The following CDH12 variants were observed in gnomAD, a reference collection of about 807,000 sequenced individuals.
CDH12 encodes the protein cadherin 12.
A neutral mutation model predicts 74.1 loss-of-function variants in CDH12; 41 were observed. The observed-to-expected ratio is 0.55, with a 90% CI of 0.43 to 0.72. The LOEUF is 0.72. Among genes scored for constraint, CDH12 ranks in the 30% least tolerant of loss-of-function variants. The probability of loss-of-function intolerance (pLI) is 0.00; values close to 1 mark genes in which losing one functional copy is unlikely to be tolerated. For missense variants in CDH12, 945 were observed against 977.2 expected (o/e 0.97, Z 0.44); for synonymous variants, 399 against 355.0 (o/e 1.12, Z -1.39).
At chr5:21,753,898 G>A (rs1335381082) in intron 14 of CDH12, among the ~76,000 whole-genome samples, 1 of 152,068 alleles carries the variant, frequency 6.6e-6, no homozygotes, top group Non-Finnish European at 1.5e-5. Flanking sequence ...AACAGAAAGA[G>A]TTTCTCTGAA....
intron 4 of CDH12, among the ~76,000 whole-genome samples, chr5:22,169,394 T>C (rs1395070743): frequency 6.6e-6 from 1 of 152,000 alleles, no homozygotes; most frequent in Non-Finnish European, 1.5e-5. Flanking sequence ...AAATGAACAG[T>C]CGTATCCATA....
At chr5:22,402,666 C>T (rs961606312) in intron 3 of CDH12, among the ~76,000 whole-genome samples, 2 of 152,078 alleles carry the variant, frequency 1.3e-5, no homozygotes, top group East Asian at 1.9e-4. Flanking sequence ...AGCATATCTA[C>T]GTTGCAAAGG....
At chr5:22,602,233 A>G (rs909096630) in intron 1 of CDH12, among the ~76,000 whole-genome samples, 6 of 152,132 alleles carry the variant, frequency 3.9e-5, no homozygotes, top group Non-Finnish European at 8.8e-5. Flanking sequence ...GATTCAATAA[A>G]TGCCACGGAG....
intron 1 of CDH12, among the ~76,000 whole-genome samples, chr5:22,541,609 T>C (rs1343723316): frequency 6.6e-6 from 1 of 152,176 alleles, no homozygotes; most frequent in Non-Finnish European, 1.5e-5. Context: ...ATGACTTTAA[T>C]GACAGGGTAC....
chr5:22,698,695 A>C (rs1279439096), intron 1 of CDH12, among the ~76,000 whole-genome samples: 21 of 9,230 alleles, frequency 2.3e-3, no homozygotes, highest in Non-Finnish European at 4.0e-3. Flanking sequence ...ATATATATAT[A>C]TATATATATA....
chr5:21,787,663 G>A (rs1366994322), intron 10 of CDH12, among the ~76,000 whole-genome samples: 1 of 152,108 alleles, frequency 6.6e-6, no homozygotes, highest in Admixed American at 6.6e-5. Flanking sequence ...ATATTTATTA[G>A]AATAAAGTAT....
chr5:21,833,959 G>T (rs964771214), intron 8 of CDH12, among the ~76,000 whole-genome samples: 1 of 151,872 alleles, frequency 6.6e-6, no homozygotes, highest in Non-Finnish European at 1.5e-5. Flanking sequence ...AGACAAAGGA[G>T]CTTTTTGGTA....
intron 1 of CDH12, among the ~76,000 whole-genome samples, chr5:22,698,021 G>A (rs1742469391): frequency 6.7e-6 from 1 of 149,958 alleles, no homozygotes; most frequent in South Asian, 2.1e-4. Flanking sequence ...ATCCTGAGGT[G>A]TTTTGTTATA....
At chr5:22,324,841 T>A (rs1739018286) in intron 3 of CDH12, among the ~76,000 whole-genome samples, 2 of 152,174 alleles carry the variant, frequency 1.3e-5, no homozygotes, top group South Asian at 4.1e-4. Context: ...ATCACGCTAA[T>A]TTGTAATCAA....
intron 8 of CDH12, among the ~76,000 whole-genome samples, chr5:21,830,307 C>T (rs1038453628): frequency 2.7e-5 from 4 of 150,152 alleles, no homozygotes; most frequent in African/African-American, 9.8e-5. Context: ...TGTTCATCTC[C>T]ACTCAAGCAC....
At chr5:22,331,831 A>T (rs1561319553) in intron 3 of CDH12, among the ~76,000 whole-genome samples, 1 of 152,216 alleles carries the variant, frequency 6.6e-6, no homozygotes, top group Admixed American at 6.5e-5. Context: ...CCAAAAAAAA[A>T]TCAAACAGAA....
At chr5:22,729,549 T>C (rs1744327592) in intron 1 of CDH12, among the ~76,000 whole-genome samples, 1 of 151,860 alleles carries the variant, frequency 6.6e-6, no homozygotes, top group Non-Finnish European at 1.5e-5. Flanking sequence ...AATTAAGGCA[T>C]AGAATCATCT....
chr5:22,799,154 A>G (rs1244334391), intron 1 of CDH12, among the ~76,000 whole-genome samples: 1 of 152,120 alleles, frequency 6.6e-6, no homozygotes, highest in African/African-American at 2.4e-5. Flanking sequence ...ACCACAAAAC[A>G]GAAACTGTCT....
At chr5:22,225,942 T>C (rs2150371751) in intron 3 of CDH12, among the ~76,000 whole-genome samples, 1 of 151,954 alleles carries the variant, frequency 6.6e-6, no homozygotes, top group East Asian at 1.9e-4. Flanking sequence ...CAACAAAAAC[T>C]AAACATCTGG....
chr5:22,547,373 C>T (rs1047502137), intron 1 of CDH12, among the ~76,000 whole-genome samples: 14 of 152,098 alleles, frequency 9.2e-5, no homozygotes, highest in African/African-American at 3.4e-4. Context: ...CAATGACTGG[C>T]CGGTGATTCA....
chr5:22,594,162 A>C (rs1457854268), intron 1 of CDH12, among the ~76,000 whole-genome samples: 5 of 152,148 alleles, frequency 3.3e-5, no homozygotes. Flanking sequence ...CACAAATCTG[A>C]TATTTGGCAG....
intron 2 of CDH12, among the ~76,000 whole-genome samples, chr5:22,503,010 G>A (rs1580713280): frequency 1.3e-5 from 2 of 151,902 alleles, no homozygotes. Context: ...TCCTTTGGCT[G>A]CATTTTTCCT....
chr5:22,247,786 C>A (rs1753005009), intron 3 of CDH12, among the ~76,000 whole-genome samples: 1 of 152,122 alleles, frequency 6.6e-6, no homozygotes, highest in South Asian at 2.1e-4. Context: ...GTCTAGTGCA[C>A]TATTTTATTA....
chr5:22,230,727 C>T (rs773914964), intron 3 of CDH12, among the ~76,000 whole-genome samples: 54 of 152,038 alleles, frequency 3.6e-4, no homozygotes, highest in Non-Finnish European at 7.2e-4. Flanking sequence ...CCTTGACCTC[C>T]CAAAGTGCTG....
Sources: gnomAD v4.1 joint callset for allele counts (sites outside exome capture counted in the v4.1 genomes callset) on GRCh38, gnomAD v4.1.1 for gene constraint, MANE v1.5 for transcripts, NCBI Gene and HGNC (gene_info 2026-07-23, HGNC 2026-07-21) for gene names.